DZIP1L: variants seen among roughly 807,000 people sequenced by gnomAD.
DZIP1L encodes the protein cilium assembly protein DZIP1L.
DZIP1L carries 90 observed loss-of-function variants against 88.7 expected under a neutral mutation model. The observed-to-expected ratio is 1.02, with a 90% confidence interval of 0.86 to 1.21. The LOEUF (loss-of-function observed/expected upper bound fraction) is 1.21, where lower values mean the gene tolerates loss of function less well. Among genes scored for constraint, DZIP1L ranks in the 50% most tolerant of loss-of-function variants. The probability of loss-of-function intolerance (pLI) is 0.00; values close to 1 mark genes in which losing one functional copy is unlikely to be tolerated. For missense variants in DZIP1L, 932 were observed against 955.8 expected (o/e 0.98, Z 0.33); for synonymous variants, 363 against 372.1 (o/e 0.98, Z 0.28).
At chr3:138,101,645 G>A in intron 2 of DZIP1L, 1 of 790,514 alleles carries the variant, frequency 1.3e-6, no homozygotes, top group Non-Finnish European at 2.3e-6. Context: ...GGGCTTGTGA[G>A]GCCCCCATAG....
At chr3:138,101,510 C>A in intron 2 of DZIP1L, 1 of 789,858 alleles carries the variant, frequency 1.3e-6, no homozygotes. Flanking sequence ...GACTCGGACA[C>A]CAGCTTCCCA....
At chr3:138,101,834 T>A (rs1356530408) in intron 2 of DZIP1L, 3 of 1,273,628 alleles carry the variant, frequency 2.4e-6, no homozygotes, top group African/African-American at 2.9e-5. Flanking sequence ...TGCCGCTCCA[T>A]GTCCTGCTTG....
intron 4 of DZIP1L, among the ~76,000 whole-genome samples, chr3:138,092,922 TC>T (rs1195588872): frequency 6.6e-6 from 1 of 152,208 alleles, no homozygotes; most frequent in East Asian, 1.9e-4. Flanking sequence ...AAGTCTTGAA[TC>T]CCTCAAAGTC....
rs554947269 is a variant in DZIP1L at position 138,062,788 on chromosome 3, C to A, written c.*28G>T. 1 of 1,612,562 alleles carries A rather than the reference C, an allele frequency of 6.2e-7. No homozygotes were observed. Among genetic ancestry groups the A allele is most frequent in the African/African-American group, 1.3e-5 (1 of 74,892 alleles). On this transcript the variant is annotated 3_prime_UTR_variant, in exon 16 of 16. Coordinates refer to ENST00000327532, the MANE Select transcript of DZIP1L (RefSeq NM_173543.3). ...CTGAGCTGGCCCCAGCCAGGCTAAC[C>A]CTCTAGCCAGCTAGCTTCTGGGGTG...
At chr3:138,080,207 A>C (rs2724696) in intron 10 of DZIP1L, 111,013 of 167,782 alleles carry the variant, frequency 0.66, 37,123 homozygotes, top group Non-Finnish European at 0.7. Flanking sequence ...TAAGTCAACT[A>C]GGCGAGTTAT....
intron 11 of DZIP1L, among the ~76,000 whole-genome samples, chr3:138,076,046 C>A (rs546272558): frequency 1.3e-5 from 2 of 152,256 alleles, no homozygotes; most frequent in South Asian, 2.1e-4. Context: ...CCCAAGGAGA[C>A]AATGGATCAG....
intron 7 of DZIP1L, among the ~76,000 whole-genome samples, chr3:138,085,755 G>T (rs1943900394): frequency 6.6e-6 from 1 of 152,152 alleles, no homozygotes; most frequent in Admixed American, 6.5e-5. Flanking sequence ...TCCCATTACT[G>T]GGTATATACC....
rs1435331709 is a variant in DZIP1L, at chr3:138,062,844, G to A, written c.2276C>T (p.Ser759Phe). The A allele has an allele frequency of 6.2e-7, 1 of 1,614,154 alleles. No individual in the cohort carries two copies. ...CCAGGCAGGGACCCTGGGTTGGCCA[G>A]AGCTCTGTGGACCAGTGCCAAACTT... ...PEKFGTGPQS[S>F]GQPRVPAW The change falls in exon 16 of 16, where the codon TCT (serine) becomes TTT (phenylalanine). Residue 759 changes from serine (S) to phenylalanine (F), a missense_variant. Ser to Phe is a radical substitution (Grantham distance 155). Transcript: ENST00000327532.
intron 11 of DZIP1L, among the ~76,000 whole-genome samples, chr3:138,074,952 G>A (rs545707270): frequency 2.1e-4 from 32 of 151,726 alleles, no homozygotes; most frequent in Non-Finnish European, 3.5e-4. Context: ...GTAAAGGGGC[G>A]GAAAAAAAAC....
At chr3:138,080,141 T>C (rs1943580402) in intron 10 of DZIP1L, among the ~76,000 whole-genome samples, 1 of 152,142 alleles carries the variant, frequency 6.6e-6, no homozygotes, top group African/African-American at 2.4e-5. Flanking sequence ...AGTCAGGCCC[T>C]GTGGGACCTA....
At chr3:138,085,681 T>C (rs1242821016) in intron 7 of DZIP1L, among the ~76,000 whole-genome samples, 1 of 152,192 alleles carries the variant, frequency 6.6e-6, no homozygotes, top group Non-Finnish European at 1.5e-5. Flanking sequence ...AGTTCAACCA[T>C]TGTGAAAGTC....
rs1345944757 is a variant in DZIP1L, at chr3:138,084,107, A to G, written c.1203+6T>C. The G allele has an allele frequency of 1.9e-6, 3 of 1,613,342 alleles. No homozygotes were observed. Among genetic ancestry groups the G allele is most frequent in the Admixed American group, 3.3e-5 (2 of 59,958 alleles). ...AAGGCCTGGCTGAAAGGAAGGGCAG[A>G]CCTACCATCTCCTCCTGGGAGGCAA... On this transcript the variant is annotated splice_donor_region_variant and intron_variant, in intron 8 of 15. Coordinates refer to ENST00000327532, the MANE Select transcript of DZIP1L (RefSeq NM_173543.3).
chr3:138,070,367 T>A (rs1185536637), intron 12 of DZIP1L, among the ~76,000 whole-genome samples: 1 of 152,240 alleles, frequency 6.6e-6, no homozygotes, highest in African/African-American at 2.4e-5. Flanking sequence ...CCAGGACAAA[T>A]ACCCTTCTGT....
chr3:138,101,131 T>C (rs899576553), intron 2 of DZIP1L, among the ~76,000 whole-genome samples: 2 of 152,008 alleles, frequency 1.3e-5, no homozygotes, highest in Admixed American at 6.6e-5. Context: ...ATCCTTCTTC[T>C]ACATACTCAT....
In DZIP1L at chr3:138,067,772, C is replaced by A. The variant is rs191604614; in HGVS notation, c.1833-72G>T. The A allele has an allele frequency of 1.1e-3, 1,539 of 1,465,444 alleles. 13 individuals carry two copies. In the African/African-American group the frequency reaches 0.021, roughly 20 times the overall value. The allele number at this position is 1,465,444 out of a possible 1,614,324, so 90.8% of individuals were successfully genotyped here. On this transcript the variant is annotated intron_variant, in intron 13 of 15. Coordinates refer to ENST00000327532, the MANE Select transcript of DZIP1L (RefSeq NM_173543.3). ...AAACTTCAAAAGCCAAACTTCACCA[C>A]GCTTCAAGCTGGTTTGGTTTGCTCA...
intron 1 of DZIP1L, among the ~76,000 whole-genome samples, chr3:138,105,579 T>G (rs2042458371): frequency 6.6e-6 from 1 of 152,144 alleles, no homozygotes; most frequent in Non-Finnish European, 1.5e-5. Flanking sequence ...TAAAAATAGC[T>G]GTTATACTTA....
chr3:138,108,473 T>G (rs2042556704), intron 1 of DZIP1L, among the ~76,000 whole-genome samples: 1 of 152,134 alleles, frequency 6.6e-6, no homozygotes, highest in South Asian at 2.1e-4. Context: ...CCTCCTACCT[T>G]TTTGAATGCT....
In DZIP1L at chr3:138,103,523, A is replaced by T; in HGVS notation, c.449T>A (p.Ile150Asn). 1 of 1,611,822 alleles carries T rather than the reference A, an allele frequency of 6.2e-7. No homozygotes were observed. Among genetic ancestry groups the T allele is most frequent in the Non-Finnish European group, 8.5e-7 (1 of 1,179,798 alleles). ...REESRRRRKM[I>N]STLQQLLMQT... ...CATTAGCAGCTGCTGCAGGGTGCTG[A>T]TCATCTTGCGACGCCGGCGGCTCTC... is the stretch of plus-strand genomic sequence containing the variant. Residue 150 changes from isoleucine to asparagine, a missense_variant, in exon 2 of 16, where the codon ATC becomes AAC. By Grantham distance (149) the Ile-to-Asn change is moderately radical. Coordinates refer to ENST00000327532, the MANE Select transcript of DZIP1L (RefSeq NM_173543.3).
intron 6 of DZIP1L, 76 bp downstream of exon 6, chr3:138,088,303 T>C: frequency 2.0e-6 from 3 of 1,490,038 alleles, no homozygotes; most frequent in South Asian, 1.4e-5. Flanking sequence ...TCTACATTCA[T>C]AAATGAGAGA....
Sources: gnomAD v4.1 joint callset for allele counts (sites outside exome capture counted in the v4.1 genomes callset) on GRCh38, gnomAD v4.1.1 for gene constraint, MANE v1.5 for transcripts, NCBI Gene and HGNC (gene_info 2026-07-23, HGNC 2026-07-21) for gene names.